EP300: variants seen among roughly 807,000 people sequenced by gnomAD.
The protein encoded by EP300 is EP300 lysine acetyltransferase, also known as histone acetyltransferase p300.
A neutral mutation model predicts 264.0 loss-of-function variants in EP300; 31 were observed. The observed-to-expected ratio is 0.12, with a 90% CI of 0.09 to 0.16. The LOEUF is 0.16. Among genes scored for constraint, EP300 ranks in the 10% least tolerant of loss-of-function variants. EP300 has a pLI of 1.00. For synonymous variants in EP300, 1,340 were observed against 1,045.4 expected (o/e 1.28, Z -5.44); for missense variants, 2,766 against 3,052.9 (o/e 0.91, Z 2.21).
chr22:41,166,792 C>G (rs1001584737), intron 23 of EP300, 126 bp downstream of exon 23: 1 of 629,914 alleles, frequency 1.6e-6, no homozygotes, highest in African/African-American at 1.8e-5. Flanking sequence ...ATTCTATAAT[C>G]TCCTTATAGT....
rs762847042 is a variant in EP300 at position 41,137,801 on chromosome 22, T to C, written c.1760+11T>C. The C allele has an allele frequency of 3.7e-5, 60 of 1,614,056 alleles. No individual in the cohort carries two copies. Among genetic ancestry groups the C allele is most frequent in the Admixed American group, 6.7e-5 (4 of 60,006 alleles). On this transcript the variant is annotated intron_variant, in intron 8 of 30. Coordinates refer to ENST00000263253, the MANE Select transcript of EP300 (RefSeq NM_001429.4). ...TCTTGTTCACAAACTGTAAGTAAGA[T>C]TGTGGACACGTCTCATTCGTAAAGA...
chr22:41,094,881 C>A (rs1301230417), intron 1 of EP300, among the ~76,000 whole-genome samples: 1 of 152,088 alleles, frequency 6.6e-6, no homozygotes, highest in Non-Finnish European at 1.5e-5. Context: ...TTAAATACTT[C>A]TGTTCAGGTG....
In EP300 at chr22:41,176,521, T is replaced by C. The variant is rs748374833; in HGVS notation, c.5054T>C (p.Val1685Ala). The C allele has an allele frequency of 1.2e-5, 19 of 1,613,674 alleles. No individual in the cohort carries two copies. Among genetic ancestry groups the C allele is most frequent in the Admixed American group, 1.7e-5 (1 of 59,988 alleles). Residue 1685 changes from valine to alanine, a missense_variant, in exon 30 of 31, where the codon GTC becomes GCC. Physicochemically the swap from Val to Ala is moderately conservative, Grantham distance 64. Coordinates refer to ENST00000263253, the MANE Select transcript of EP300 (RefSeq NM_001429.4). ...HHVETRWHCT[V>A]CEDYDLCITC... Reference sequence around the variant, plus strand: ...GTGGAGACACGCTGGCACTGTACTGTCTGTGAGGTAGGCACCGGGTTGTGG... The same window carrying C: ...GTGGAGACACGCTGGCACTGTACTGCCTGTGAGGTAGGCACCGGGTTGTGG...
rs368767822 is a variant in EP300, at chr22:41,137,810, C to T, written c.1760+20C>T. 77 of 1,613,914 alleles carry T rather than the reference C, an allele frequency of 4.8e-5. No individual in the cohort carries two copies. The highest frequency in any genetic ancestry group is 5.7e-5 in the Non-Finnish European group (67 of 1,179,928). ...CAAACTGTAAGTAAGATTGTGGACA[C>T]GTCTCATTCGTAAAGAGATGTTACG... On this transcript the variant is annotated intron_variant, in intron 8 of 30. Transcript: ENST00000263253.
At chr22:41,139,136 T>A (rs1332173352) in intron 8 of EP300, among the ~76,000 whole-genome samples, 4 of 152,106 alleles carry the variant, frequency 2.6e-5, no homozygotes, top group African/African-American at 7.2e-5. Flanking sequence ...GTATTTTTAG[T>A]AGAGATGGGG....
intron 14 of EP300, among the ~76,000 whole-genome samples, chr22:41,150,889 TAAA>T (rs66701772): frequency 7.8e-6 from 1 of 127,940 alleles, no homozygotes; most frequent in Non-Finnish European, 1.7e-5. Flanking sequence ...AAACTCCGTC[TAAA>T]AAAAAAAAAA....
At chr22:41,099,926 G>T (rs750123771) in intron 1 of EP300, among the ~76,000 whole-genome samples, 1 of 152,124 alleles carries the variant, frequency 6.6e-6, no homozygotes, top group African/African-American at 2.4e-5. Flanking sequence ...TCAGAATGGC[G>T]CACAGTTTAA....
chr22:41,094,774 A>G (rs149899965), intron 1 of EP300, among the ~76,000 whole-genome samples: 2 of 152,308 alleles, frequency 1.3e-5, no homozygotes, highest in African/African-American at 4.8e-5. Context: ...AGTCGATTTT[A>G]CATTGGAGTT....
At chr22:41,112,834 A>G (rs1403058077) in intron 1 of EP300, among the ~76,000 whole-genome samples, 2 of 151,634 alleles carry the variant, frequency 1.3e-5, no homozygotes, top group Non-Finnish European at 2.9e-5. Flanking sequence ...CCAAGGGCTT[A>G]TTTTCTCTAG....
At chr22:41,163,211 A>G (rs4822013) in intron 21 of EP300, among the ~76,000 whole-genome samples, 91,404 of 148,404 alleles carry the variant, frequency 0.62, 28,306 homozygotes, top group East Asian at 0.81. Context: ...CGAGGCGGGC[A>G]GATCACGAGG....
At chr22:41,157,120 G>A (rs553502196) in intron 17 of EP300, 49 bp from the exon 18 acceptor site, 16 of 1,611,530 alleles carry the variant, frequency 9.9e-6, no homozygotes, top group Admixed American at 3.3e-5. Flanking sequence ...TCCATCTCCC[G>A]TAAAAATAGT....
Position 41,177,655 on chromosome 22 carries a change from C to G in EP300, c.5944C>G (p.Pro1982Ala). ...MTRGPSGHLE[P>A]GMGPTGMQQQ... The stretch of plus-strand genomic sequence containing the variant: ...CAGAGGTCCCAGTGGGCATTTGGAG[C>G]CAGGGATGGGACCGACAGGGATGCA... The change falls in exon 31 of 31, where the codon CCA (proline) becomes GCA (alanine). Residue 1982 changes from proline to alanine, a missense_variant. Pro to Ala is a conservative substitution (Grantham distance 27). Transcript: ENST00000263253. 6.2e-7 allele frequency: 1 copy of G among 1,613,998 alleles called. No homozygotes were observed. Among genetic ancestry groups the G allele is most frequent in the East Asian group, 2.2e-5 (1 of 44,858 alleles).
intron 6 of EP300, among the ~76,000 whole-genome samples, chr22:41,132,062 G>GGTGCGTGCCTGTAA (rs1160420627): frequency 6.6e-6 from 1 of 151,668 alleles, no homozygotes; most frequent in Non-Finnish European, 1.5e-5. Context: ...AGGGTGTGGT[G>GGTGCGTGCCTGTAA]GTGCGTGCCT....
rs768211521 is a variant in EP300 at position 41,178,669 on chromosome 22, T to C, written c.6958T>C (p.Ser2320Pro). The change falls in exon 31 of 31, where the codon TCC becomes CCC. Residue 2320 changes from serine (S) to proline (P), a missense_variant. Coordinates refer to ENST00000263253, the MANE Select transcript of EP300 (RefSeq NM_001429.4). ...PQPVPSPRPQ[S>P]QPPHSSPSPR... is the part of the protein sequence containing the mutation. ...GCCTGTCCCTTCTCCACGGCCACAG[T>C]CCCAGCCCCCCCACTCCAGTCCTTC... 2.5e-6 allele frequency: 4 copies of C among 1,614,042 alleles called. No individual in the cohort carries two copies. The Admixed American group carries it at 6.7e-5, about 27-fold the overall frequency.
In EP300 at chr22:41,135,895, A is replaced by G. The variant is rs1005332096; in HGVS notation, c.1611A>G (p.Ile537Met). Residue 537 changes from isoleucine to methionine, a missense_variant, in exon 7 of 31, where the codon ATA becomes ATG. Ile to Met is a conservative substitution (Grantham distance 10, BLOSUM62 1). Coordinates refer to ENST00000263253, the MANE Select transcript of EP300 (RefSeq NM_001429.4). ...CTGACTCAATGTTGCATTCAGCCAT[A>G]AATTCTCAAAAGTAAGTCTTAACGT... ...LLSDSMLHSAINSQNPMMSEN... is the reference protein window; with the variant it reads ...LLSDSMLHSAMNSQNPMMSEN... 6.2e-7 allele frequency: 1 copy of G among 1,613,708 alleles called. No homozygotes were observed. Among genetic ancestry groups the G allele is most frequent in the Non-Finnish European group, 8.5e-7 (1 of 1,179,582 alleles).
chr22:41,112,706 A>ATCAT (rs1555904998), intron 1 of EP300, among the ~76,000 whole-genome samples: 1 of 149,594 alleles, frequency 6.7e-6, no homozygotes, highest in African/African-American at 2.5e-5. Context: ...TAATTTTTAT[A>ATCAT]TTGTTTTTTT....
intron 1 of EP300, among the ~76,000 whole-genome samples, chr22:41,095,184 G>T (rs138483179): frequency 9.5e-5 from 14 of 147,532 alleles, no homozygotes; most frequent in Non-Finnish European, 1.9e-4. Context: ...TGAGTATAAA[G>T]AAAATACTGT....
rs2059232457 is a variant in EP300 at position 41,179,879 on chromosome 22, CT to C, written c.*924del. On this transcript the variant is annotated 3_prime_UTR_variant, in exon 31 of 31. Transcript: ENST00000263253. The stretch of plus-strand genomic sequence containing the variant: ...TTCTTCCTCCTTACCCTACCCCCCA[CT>C]CACACACACACACACACACACACAC... The C allele has an allele frequency of 1.1e-3, 149 of 140,380 alleles. 11 individuals are homozygous for C. Among genetic ancestry groups the C allele is most frequent in the East Asian group, 2.1e-3 (21 of 9,840 alleles). 8.7% of individuals were successfully genotyped at this position (140,380 alleles called of 1,614,324 possible). A position where few individuals can be genotyped will look rare whatever the true frequency, so the allele number is the denominator to read the frequency against.
intron 2 of EP300, among the ~76,000 whole-genome samples, chr22:41,123,875 C>T (rs1485725309): frequency 6.6e-6 from 1 of 152,152 alleles, no homozygotes; most frequent in Non-Finnish European, 1.5e-5. Context: ...TAGAATAATG[C>T]TGTTTTTCAA....
Sources: allele counts gnomAD v4.1 joint callset (sites outside exome capture counted in the v4.1 genomes callset), GRCh38; gene constraint gnomAD v4.1.1; transcripts MANE v1.5; gene names NCBI Gene and HGNC (gene_info 2026-07-23, HGNC 2026-07-21).